Variants in TXNL4A observed in about 807,000 individuals in gnomAD.
TXNL4A encodes the protein thioredoxin like 4A, also known as thioredoxin-like protein 4A.
A neutral mutation model predicts 14.6 loss-of-function variants in TXNL4A; 17 were observed. The ratio of observed to expected loss-of-function variants is 1.16; its 90% confidence interval spans 0.80 to 1.74. The LOEUF (loss-of-function observed/expected upper bound fraction) is 1.74. TXNL4A is among the 40% of genes most tolerant of loss of function. The pLI, the probability that TXNL4A is intolerant of heterozygous loss-of-function variation, is 0.00. For missense variants in TXNL4A, 74 were observed against 195.2 expected (o/e 0.38, Z 3.70); for synonymous variants, 83 against 70.6 (o/e 1.18, Z -0.88).
At chr18:80,028,623 A>AT (rs1167913065) in intron 1 of TXNL4A, among the ~76,000 whole-genome samples, 6 of 152,184 alleles carry the variant, frequency 3.9e-5, no homozygotes, top group African/African-American at 1.4e-4. Flanking sequence ...AGGATATGCT[A>AT]TAGTTTCCTT....
In TXNL4A at chr18:80,016,749, T is replaced by C. The variant is rs1481113803; in HGVS notation, c.-61+17102A>G. On this transcript the variant is annotated intron_variant, in intron 1 of 2. Coordinates refer to the TXNL4A transcript ENST00000585474. The stretch of plus-strand genomic sequence containing the variant: ...CTCTGTTTTGGTACCAGTACCATGC[T>C]GTTTTGGTTACTGTAGCCTTGTAGT... Among the ~76,000 whole-genome samples, 263 of 150,930 alleles carry C rather than the reference T, an allele frequency of 1.7e-3. 1 individual carries two copies. Among genetic ancestry groups the C allele is most frequent in the African/African-American group, 5.5e-3 (229 of 41,432 alleles).
At chr18:79,994,456 C>T (rs144839784) in intron 1 of TXNL4A, among the ~76,000 whole-genome samples, 100 of 152,046 alleles carry the variant, frequency 6.6e-4, no homozygotes, top group Middle Eastern at 3.4e-3. Flanking sequence ...GAAAGATCAC[C>T]TCATCTCCCT....
intron 1 of TXNL4A, among the ~76,000 whole-genome samples, chr18:80,018,592 G>C (rs1358908025): frequency 2.6e-5 from 4 of 151,934 alleles, no homozygotes; most frequent in African/African-American, 9.7e-5. Context: ...CTGCTAGCAA[G>C]ACTAATAAAG....
At chr18:80,007,235 G>C (rs899983378) in intron 1 of TXNL4A, among the ~76,000 whole-genome samples, 6 of 152,232 alleles carry the variant, frequency 3.9e-5, no homozygotes, top group African/African-American at 1.4e-4. Flanking sequence ...CCGAGTTGTA[G>C]AAGGAAGGGC....
chr18:79,996,102 T>TCA (rs2051659618), intron 1 of TXNL4A, among the ~76,000 whole-genome samples: 1 of 6,922 alleles, frequency 1.4e-4, no homozygotes, highest in Admixed American at 2.8e-3. Flanking sequence ...AGACTCTGAC[T>TCA]CAAAAAAAAA....
At chr18:80,032,566 G>A (rs2051929288) in intron 1 of TXNL4A, among the ~76,000 whole-genome samples, 2 of 152,156 alleles carry the variant, frequency 1.3e-5, no homozygotes, top group African/African-American at 4.8e-5. Context: ...GTGGCCAGGC[G>A]CGGTGGCTCA....
intron 1 of TXNL4A, chr18:79,986,742 T>C: frequency 1.0e-6 from 1 of 985,510 alleles, no homozygotes; most frequent in Non-Finnish European, 1.2e-6. Context: ...CCGATGTTTA[T>C]GCCACCACCT....
At position 79,982,672 on chromosome 18, in the gene TXNL4A, G is replaced by C. The variant is rs533318387; in HGVS notation, c.154-4971C>G. ...GACACTGCAGGGGCTGAAGGACTGA[G>C]GAACAGAGGACTTCAGTGTGGACAA... On this transcript the variant is annotated intron_variant, in intron 1 of 2. Coordinates refer to ENST00000269601, the MANE Select transcript of TXNL4A (RefSeq NM_006701.5). The surrounding 1 kb of genome is among the most constrained non-coding windows in gnomAD (Gnocchi z 4.0). 6.6e-6 allele frequency among the ~76,000 whole-genome samples: 1 copy of C among 152,340 alleles called. No homozygotes were observed. The highest frequency in any genetic ancestry group is 2.1e-4 in the South Asian group (1 of 4,830).
intron 1 of TXNL4A, among the ~76,000 whole-genome samples, chr18:79,978,764 G>A (rs1383326563): frequency 2.0e-5 from 3 of 151,968 alleles, no homozygotes; most frequent in Admixed American, 6.6e-5. Flanking sequence ...AAAGTGCTGC[G>A]ATTACAGGCA....
At chr18:80,017,215 A>T (rs2051817442) in intron 1 of TXNL4A, among the ~76,000 whole-genome samples, 1 of 152,074 alleles carries the variant, frequency 6.6e-6, no homozygotes, top group African/African-American at 2.4e-5. Flanking sequence ...TTGATTTTGT[A>T]TCCTGAGACT....
At chr18:79,980,121 G>C (rs929164475) in intron 1 of TXNL4A, among the ~76,000 whole-genome samples, 1 of 152,172 alleles carries the variant, frequency 6.6e-6, no homozygotes, top group Non-Finnish European at 1.5e-5. Flanking sequence ...GGAGGCTCTG[G>C]GGGCATCGAG....
chr18:80,021,585 T>C (rs549647646), intron 1 of TXNL4A, among the ~76,000 whole-genome samples: 28 of 152,302 alleles, frequency 1.8e-4, no homozygotes, highest in South Asian at 8.3e-4. Flanking sequence ...TTCCCTCAGG[T>C]ATTTGAGTTA....
chr18:79,980,371 C>T (rs920266919), intron 1 of TXNL4A, among the ~76,000 whole-genome samples: 29 of 152,184 alleles, frequency 1.9e-4, no homozygotes, highest in African/African-American at 7.0e-4. Context: ...CACAACATTT[C>T]TTCATATAAA....
chr18:80,021,718 C>T (rs1182296788), intron 1 of TXNL4A, among the ~76,000 whole-genome samples: 1 of 152,196 alleles, frequency 6.6e-6, no homozygotes, highest in Non-Finnish European at 1.5e-5. Context: ...TGGGGTGTTG[C>T]AATGCTTGAG....
intron 1 of TXNL4A, among the ~76,000 whole-genome samples, chr18:79,995,648 G>T (rs1274251138): frequency 1.3e-5 from 2 of 152,202 alleles, no homozygotes; most frequent in Non-Finnish European, 2.9e-5. Context: ...CTAGTTAGCT[G>T]ACCAGTTATC....
chr18:79,988,612 T>G, upstream of TXNL4A: 1 of 386,480 alleles, frequency 2.6e-6, no homozygotes, highest in Non-Finnish European at 4.4e-6. Context: ...GCGCGCGCGC[T>G]AGCGCCGTGC....
In TXNL4A at chr18:80,011,052, C is replaced by T. The variant is rs1024627475; in HGVS notation, c.-61+22799G>A. Among the ~76,000 whole-genome samples the T allele has an allele frequency of 8.6e-5, 13 of 151,680 alleles. No homozygotes were observed. The highest frequency in any genetic ancestry group is 2.9e-4 in the African/African-American group (12 of 41,226). ...CTCCTGGGGTTGGTTTAAGGGTCCG[C>T]GGAAGAAAGGCACATCCATGTGTGG... On this transcript the variant is annotated intron_variant, in intron 1 of 2. Coordinates refer to the TXNL4A transcript ENST00000585474. The surrounding 1 kb of genome is among the most constrained non-coding windows in gnomAD (Gnocchi z 4.1).
chr18:79,986,570 G>C, intron 1 of TXNL4A: 1 of 985,408 alleles, frequency 1.0e-6, no homozygotes, highest in Non-Finnish European at 1.2e-6. Context: ...AGTTGGAAAA[G>C]AGCAAATCTG....
Position 79,988,448 on chromosome 18 carries a change from G to T in TXNL4A, c.-56C>A. 7.5e-7 allele frequency: 1 copy of T among 1,336,808 alleles called. No homozygotes were observed. The allele number at this position is 1,336,808 out of a possible 1,614,324, so 82.8% of individuals were successfully genotyped here. ...CGGGGCGCCAGGGAGGGCCCAGCGA[G>T]GTGGGCTCAGCCGGCCCCTCACTCC... On this transcript the variant is annotated 5_prime_UTR_variant, in exon 1 of 3. Coordinates refer to ENST00000269601, the MANE Select transcript of TXNL4A (RefSeq NM_006701.5).
Sources: allele counts gnomAD v4.1 joint callset (sites outside exome capture counted in the v4.1 genomes callset), GRCh38; gene constraint gnomAD v4.1.1; non-coding constraint Gnocchi (gnomAD v3.1); transcripts MANE v1.5; gene names NCBI Gene and HGNC (gene_info 2026-07-23, HGNC 2026-07-21).